Variants in SGCZ observed in about 807,000 individuals in gnomAD.
SGCZ encodes sarcoglycan zeta.
SGCZ carries 40 observed loss-of-function variants against 41.3 expected under a neutral mutation model. That is an observed-to-expected ratio of 0.97 (90% CI 0.75 to 1.26). The LOEUF (loss-of-function observed/expected upper bound fraction) is 1.26, where lower values mean the gene tolerates loss of function less well. Ranked by LOEUF, SGCZ falls within the 50% of genes most tolerant of loss-of-function variation. The pLI is 0.00. For synonymous variants in SGCZ, 206 were observed against 137.5 expected (o/e 1.50, Z -3.49); for missense variants, 552 against 369.8 (o/e 1.49, Z -4.04).
chr8:14,292,320 G>A (rs956217290), intron 3 of SGCZ, among the ~76,000 whole-genome samples: 10 of 151,946 alleles, frequency 6.6e-5, no homozygotes, highest in African/African-American at 2.4e-4. Flanking sequence ...ACTCAATTAC[G>A]GTTGGTGAAA....
chr8:14,576,381 G>C (rs1293048207), intron 1 of SGCZ, among the ~76,000 whole-genome samples: 1 of 152,148 alleles, frequency 6.6e-6, no homozygotes, highest in African/African-American at 2.4e-5. Flanking sequence ...AATCAGTCCA[G>C]GAAGAAATGG....
At chr8:14,758,070 A>C (rs2130343860) in intron 1 of SGCZ, among the ~76,000 whole-genome samples, 1 of 152,222 alleles carries the variant, frequency 6.6e-6, no homozygotes, top group Non-Finnish European at 1.5e-5. Flanking sequence ...ACTTTTTAAA[A>C]TTTTTCCTAC....
chr8:14,657,983 G>A (rs1807628972), intron 1 of SGCZ, among the ~76,000 whole-genome samples: 1 of 152,086 alleles, frequency 6.6e-6, no homozygotes, highest in African/African-American at 2.4e-5. Flanking sequence ...CAATGTCCCT[G>A]AAGAATGTAT....
intron 5 of SGCZ, among the ~76,000 whole-genome samples, chr8:14,112,912 G>C (rs762544945): frequency 2.7e-5 from 4 of 147,320 alleles, no homozygotes; most frequent in Non-Finnish European, 6.0e-5. Context: ...AAAGGATGGA[G>C]TAACAATACT....
intron 3 of SGCZ, among the ~76,000 whole-genome samples, chr8:14,287,075 T>C (rs1156313832): frequency 6.6e-6 from 1 of 152,032 alleles, no homozygotes; most frequent in Non-Finnish European, 1.5e-5. Context: ...TTATGCTTTC[T>C]TACAAATACA....
intron 2 of SGCZ, among the ~76,000 whole-genome samples, chr8:14,367,184 C>T (rs1185142504): frequency 6.6e-6 from 1 of 152,082 alleles, no homozygotes; most frequent in African/African-American, 2.4e-5. Flanking sequence ...AGTCTCTTTG[C>T]TAAAGTATAG....
intron 1 of SGCZ, among the ~76,000 whole-genome samples, chr8:15,158,643 T>G (rs1458186545): frequency 1.3e-5 from 2 of 152,226 alleles, no homozygotes; most frequent in Non-Finnish European, 2.9e-5. Flanking sequence ...ATTTAGAATG[T>G]ATAATTCATG....
intron 1 of SGCZ, among the ~76,000 whole-genome samples, chr8:14,608,455 G>A (rs1464582359): frequency 2.0e-5 from 3 of 151,960 alleles, no homozygotes; most frequent in East Asian, 3.9e-4. Context: ...GGGAGGCGGG[G>A]GGCAGATGTG....
intron 4 of SGCZ, among the ~76,000 whole-genome samples, chr8:14,207,630 G>C (rs1334286841): frequency 6.6e-6 from 1 of 151,786 alleles, no homozygotes; most frequent in Non-Finnish European, 1.5e-5. Context: ...TGTTTCTTCT[G>C]TTTATGTAGT....
chr8:14,646,429 C>T (rs1411566522), intron 1 of SGCZ, among the ~76,000 whole-genome samples: 1 of 148,680 alleles, frequency 6.7e-6, no homozygotes, highest in Non-Finnish European at 1.5e-5. Flanking sequence ...ATATGTACTA[C>T]ATTTTCATTA....
At chr8:14,506,784 G>T (rs1468210363) in intron 2 of SGCZ, among the ~76,000 whole-genome samples, 2 of 152,080 alleles carry the variant, frequency 1.3e-5, no homozygotes, top group African/African-American at 4.8e-5. Context: ...CTTGACATAT[G>T]TGCATCTCTC....
chr8:15,023,531 A>G (rs1803334871), intron 1 of SGCZ, among the ~76,000 whole-genome samples: 1 of 152,210 alleles, frequency 6.6e-6, no homozygotes, highest in South Asian at 2.1e-4. Flanking sequence ...TATGGGTCTC[A>G]GTCCACTGCC....
chr8:14,177,016 C>A (rs1804562736), intron 4 of SGCZ, among the ~76,000 whole-genome samples: 1 of 152,070 alleles, frequency 6.6e-6, no homozygotes, highest in Non-Finnish European at 1.5e-5. Flanking sequence ...CGTTACATCA[C>A]CAAGGTTTTG....
chr8:14,561,285 G>A (rs761231721), intron 1 of SGCZ, among the ~76,000 whole-genome samples: 3 of 152,044 alleles, frequency 2.0e-5, no homozygotes, highest in Non-Finnish European at 2.9e-5. Flanking sequence ...ATAAATAAAA[G>A]TATTTTTTAC....
chr8:14,132,408 T>C (rs927346242), intron 5 of SGCZ, among the ~76,000 whole-genome samples: 3 of 152,210 alleles, frequency 2.0e-5, no homozygotes, highest in Non-Finnish European at 4.4e-5. Flanking sequence ...CAACTACTTC[T>C]CTTTCCCATC....
At chr8:14,798,073 C>A (rs987424296) in intron 1 of SGCZ, among the ~76,000 whole-genome samples, 5 of 152,174 alleles carry the variant, frequency 3.3e-5, no homozygotes, top group Non-Finnish European at 7.3e-5. Flanking sequence ...ATGTTGGGGC[C>A]CACTGGAACA....
At chr8:14,970,180 A>G (rs1056248038) in intron 1 of SGCZ, among the ~76,000 whole-genome samples, 9 of 152,148 alleles carry the variant, frequency 5.9e-5, no homozygotes, top group Non-Finnish European at 1.2e-4. Flanking sequence ...TCCCATTCAT[A>G]TAATTTGTTT....
intron 1 of SGCZ, among the ~76,000 whole-genome samples, chr8:15,196,856 G>A (rs1369660790): frequency 6.6e-6 from 1 of 152,204 alleles, no homozygotes; most frequent in Non-Finnish European, 1.5e-5. Context: ...TCAGCTGCCA[G>A]GTGAGAGGGG....
intron 1 of SGCZ, among the ~76,000 whole-genome samples, chr8:14,588,566 C>G (rs1191585576): frequency 6.6e-6 from 1 of 151,422 alleles, no homozygotes; most frequent in Admixed American, 6.6e-5. Flanking sequence ...CTTTCATGAG[C>G]AAATAGAATG....
Sources: allele counts gnomAD v4.1 joint callset (sites outside exome capture counted in the v4.1 genomes callset), GRCh38; gene constraint gnomAD v4.1.1; transcripts MANE v1.5; gene names NCBI Gene and HGNC (gene_info 2026-07-23, HGNC 2026-07-21).